Variants in PLCH1 observed in about 807,000 individuals in gnomAD.
PLCH1 encodes 1-phosphatidylinositol 4,5-bisphosphate phosphodiesterase eta-1.
A neutral mutation model predicts 126.7 loss-of-function variants in PLCH1; 60 were observed. The ratio of observed to expected loss-of-function variants is 0.47; its 90% CI spans 0.38 to 0.59. PLCH1 has a LOEUF of 0.59. Ranked by LOEUF, PLCH1 falls within the 20% of genes least tolerant of loss-of-function variation. The probability of loss-of-function intolerance (pLI) is 0.00; values close to 1 mark genes in which losing one functional copy is unlikely to be tolerated. For synonymous variants in PLCH1, 719 were observed against 734.9 expected (o/e 0.98, Z 0.35); for missense variants, 1,723 against 2,040.0 (o/e 0.84, Z 2.99).
At chr3:155,674,072 G>A (rs1403176000) in intron 2 of PLCH1, among the ~76,000 whole-genome samples, 1 of 152,052 alleles carries the variant, frequency 6.6e-6, no homozygotes, top group Admixed American at 6.6e-5. Flanking sequence ...TACTAAAAAG[G>A]AAATTGAGGT....
At chr3:155,660,073 G>A (rs185677517) in intron 2 of PLCH1, among the ~76,000 whole-genome samples, 21 of 152,264 alleles carry the variant, frequency 1.4e-4, no homozygotes, top group African/African-American at 5.1e-4. Flanking sequence ...ATTCATGAGT[G>A]GGGGAGCCAG....
intron 2 of PLCH1, among the ~76,000 whole-genome samples, chr3:155,660,076 G>A (rs910309130): frequency 1.3e-5 from 2 of 152,114 alleles, no homozygotes; most frequent in African/African-American, 4.8e-5. Flanking sequence ...CATGAGTGGG[G>A]GAGCCAGATG....
At chr3:155,513,308 C>A (rs2108230407) in intron 12 of PLCH1, among the ~76,000 whole-genome samples, 1 of 152,320 alleles carries the variant, frequency 6.6e-6, no homozygotes, top group East Asian at 1.9e-4. Flanking sequence ...TGCTACACTA[C>A]CTCTCAAAAA....
chr3:155,530,180 T>C (rs1722481161), intron 10 of PLCH1, among the ~76,000 whole-genome samples: 1 of 152,228 alleles, frequency 6.6e-6, no homozygotes, highest in Non-Finnish European at 1.5e-5. Flanking sequence ...TCTGGCAAAA[T>C]TGGAGTAAAT....
chr3:155,665,656 G>C (rs985081882), intron 2 of PLCH1, among the ~76,000 whole-genome samples: 6 of 152,152 alleles, frequency 3.9e-5, no homozygotes, highest in Non-Finnish European at 1.5e-5. Context: ...ACCACCCCTA[G>C]AGTCTGATCA....
chr3:155,676,866 C>T (rs545920338), intron 2 of PLCH1, among the ~76,000 whole-genome samples: 14 of 152,056 alleles, frequency 9.2e-5, no homozygotes, highest in African/African-American at 2.4e-4. Context: ...TGCCTGTGGA[C>T]GTGGACAAGG....
At chr3:155,619,498 T>TTAA (rs200522384) in intron 2 of PLCH1, among the ~76,000 whole-genome samples, 10,861 of 133,474 alleles carry the variant, frequency 0.081, 1,378 homozygotes, top group African/African-American at 0.26. Flanking sequence ...ACAGAAAAAG[T>TTAA]AAAAAAAAAA....
chr3:155,466,008 A>G (rs1376029684), intron 21 of PLCH1, among the ~76,000 whole-genome samples: 1 of 152,212 alleles, frequency 6.6e-6, no homozygotes, highest in East Asian at 1.9e-4. Context: ...TTTTGACTCC[A>G]GTTCCTGACT....
rs763400758 is a variant in PLCH1, at chr3:155,488,112, TAAAAG to T, written c.2540-10_2540-6del. 27 of 1,594,020 alleles carry T rather than the reference TAAAAG, an allele frequency of 1.7e-5. No individual in the cohort carries two copies. The highest frequency in any genetic ancestry group is 2.2e-5 in the Non-Finnish European group (25 of 1,161,774). ...CCAAATAGACATGCCGGTAGCCTGA[TAAAAG>T]GAAAGAGAGTCGTTTCTTTTTAGTT... On this transcript the variant is annotated splice_polypyrimidine_tract_variant and splice_region_variant and intron_variant, in intron 20 of 22. Transcript: ENST00000460012.
intron 10 of PLCH1, among the ~76,000 whole-genome samples, chr3:155,541,502 C>T (rs1274023988): frequency 6.6e-6 from 1 of 152,040 alleles, no homozygotes; most frequent in Non-Finnish European, 1.5e-5. Context: ...TCTTAGGAAA[C>T]AGGGAGAACT....
chr3:155,722,128 T>C (rs1032490467), intron 1 of PLCH1, among the ~76,000 whole-genome samples: 4 of 152,080 alleles, frequency 2.6e-5, no homozygotes, highest in African/African-American at 9.7e-5. Flanking sequence ...TTTTCTCCAT[T>C]CAGTATAATG....
chr3:155,499,446 A>C (rs1218814492), intron 14 of PLCH1, among the ~76,000 whole-genome samples: 2 of 152,236 alleles, frequency 1.3e-5, no homozygotes, highest in African/African-American at 4.8e-5. Context: ...AGAAATTATA[A>C]GTAAAACTCT....
intron 21 of PLCH1, among the ~76,000 whole-genome samples, chr3:155,458,567 A>AAAGAAAGAAAGG (rs1712586891): frequency 6.8e-6 from 1 of 147,794 alleles, no homozygotes; most frequent in African/African-American, 2.6e-5. Flanking sequence ...AAAAAGAAAG[A>AAAGAAAGAAAGG]AAGAAAGAAA....
chr3:155,510,246 T>C (rs1186271053), intron 12 of PLCH1, among the ~76,000 whole-genome samples: 1 of 107,964 alleles, frequency 9.3e-6, no homozygotes. Context: ...AGCCTATGTG[T>C]GTCTCTGCAC....
chr3:155,600,090 A>T (rs757912618), intron 2 of PLCH1, among the ~76,000 whole-genome samples: 1 of 152,214 alleles, frequency 6.6e-6, no homozygotes, highest in East Asian at 1.9e-4. Flanking sequence ...TGAAAAATCA[A>T]GTCCACTGAA....
At position 155,462,263 on chromosome 3, in the gene PLCH1, G is replaced by A. The variant is rs542957142; in HGVS notation, c.2938+23093C>T. Among the ~76,000 whole-genome samples, 25 of 152,242 alleles carry A rather than the reference G, an allele frequency of 1.6e-4. No homozygotes were observed. In the South Asian group the frequency reaches 4.4e-3, roughly 27 times the overall value. ...AGCACTCACTGAGGCACCTCGTGGC[G>A]ACTCTGTGACCAGTGAAACTTGTAA... On this transcript the variant is annotated intron_variant, in intron 21 of 21. Coordinates refer to the PLCH1 transcript ENST00000494598.
intron 1 of PLCH1, among the ~76,000 whole-genome samples, chr3:155,730,206 T>C (rs973958260): frequency 6.6e-6 from 1 of 151,392 alleles, no homozygotes; most frequent in East Asian, 1.9e-4. Flanking sequence ...CTCAAGGAAA[T>C]AGAGAAGGAG....
intron 6 of PLCH1, among the ~76,000 whole-genome samples, chr3:155,575,190 G>C (rs7629181): frequency 0.03 from 4,487 of 151,820 alleles, 235 homozygotes; most frequent in African/African-American, 0.1. Flanking sequence ...ACACCTCAAA[G>C]GAATGCTTTT....
Position 155,512,353 on chromosome 3 carries a change from CAA to C in PLCH1, c.1632+2368_1632+2369del, listed in dbSNP as rs529918000. 1.8e-4 allele frequency among the ~76,000 whole-genome samples: 28 copies of C among 152,228 alleles called. 1 individual carries two copies. Among genetic ancestry groups the C allele is most frequent in the Admixed American group, 5.2e-4 (8 of 15,294 alleles). On this transcript the variant is annotated intron_variant, in intron 12 of 22. Transcript: ENST00000460012. The stretch of plus-strand genomic sequence containing the variant: ...GCATATACATAACGACAAGAGCAAA[CAA>C]GAGAGATGCAGACTCTCTCCCTACT...
Sources: gnomAD v4.1 joint callset for allele counts (sites outside exome capture counted in the v4.1 genomes callset) on GRCh38, gnomAD v4.1.1 for gene constraint, MANE v1.5 for transcripts, NCBI Gene and HGNC (gene_info 2026-07-23, HGNC 2026-07-21) for gene names.